PDE2A: variants seen among roughly 807,000 people sequenced by gnomAD.
PDE2A encodes the protein phosphodiesterase 2A.
In PDE2A, 53 loss-of-function variants were observed where a neutral mutation model predicts 133.6. The observed-to-expected ratio is 0.40, with a 90% CI of 0.32 to 0.50. PDE2A has a LOEUF of 0.50. Ranked by LOEUF, PDE2A falls within the 20% of genes least tolerant of loss-of-function variation. The pLI, the probability that PDE2A is intolerant of heterozygous loss-of-function variation, is 0.73. For missense variants in PDE2A, 796 were observed against 1,232.4 expected (o/e 0.65, Z 5.30); for synonymous variants, 491 against 490.2 (o/e 1.00, Z -0.02).
intron 2 of PDE2A, among the ~76,000 whole-genome samples, chr11:72,634,197 AC>A (rs1858564918): frequency 6.6e-6 from 1 of 152,086 alleles, no homozygotes. Context: ...CAGAGTCACG[AC>A]AGGAGGGCCC....
At chr11:72,580,184 C>T (rs1415759693) in intron 25 of PDE2A, among the ~76,000 whole-genome samples, 3 of 152,128 alleles carry the variant, frequency 2.0e-5, no homozygotes, top group Non-Finnish European at 4.4e-5. Context: ...AAATGTGTCT[C>T]CTACTCTGTG....
At chr11:72,589,299 A>C in intron 11 of PDE2A, 59 bp from the exon 12 acceptor site, 1 of 1,203,306 alleles carries the variant, frequency 8.3e-7, no homozygotes, top group Non-Finnish European at 1.2e-6. Context: ...GGGGATCTCA[A>C]CCTGTCCCCA....
intron 2 of PDE2A, among the ~76,000 whole-genome samples, chr11:72,630,356 C>T (rs1242493482): frequency 2.0e-5 from 3 of 152,068 alleles, no homozygotes; most frequent in Non-Finnish European, 4.4e-5. Flanking sequence ...CAGCAGAGCG[C>T]CCTGGCATCT....
chr11:72,599,113 G>T (rs1856619636), intron 4 of PDE2A: 1 of 807,210 alleles, frequency 1.2e-6, no homozygotes, highest in South Asian at 5.6e-5. Context: ...AGGTGGCACT[G>T]GTCCTTGCGT....
intron 13 of PDE2A, among the ~76,000 whole-genome samples, chr11:72,588,569 G>GGTATT (rs1356547731): frequency 1.3e-5 from 2 of 152,182 alleles, no homozygotes; most frequent in Non-Finnish European, 2.9e-5. Flanking sequence ...TACCCCAAGA[G>GGTATT]CAGATTACCC....
chr11:72,592,286 A>G (rs1394059796), intron 6 of PDE2A, among the ~76,000 whole-genome samples: 1 of 152,192 alleles, frequency 6.6e-6, no homozygotes. Context: ...CACCACCTGC[A>G]GAGCTCCCCA....
At chr11:72,584,521 C>T in intron 18 of PDE2A, 30 bp downstream of exon 18, 1 of 1,560,796 alleles carries the variant, frequency 6.4e-7, no homozygotes, top group South Asian at 1.2e-5. Context: ...GGCGCAGGCC[C>T]CGCCCCTCCG....
chr11:72,595,376 C>G (rs1263653164), intron 6 of PDE2A, among the ~76,000 whole-genome samples: 1 of 152,134 alleles, frequency 6.6e-6, no homozygotes, highest in Non-Finnish European at 1.5e-5. Flanking sequence ...GGAGGCGACC[C>G]CCTGAGAACT....
At chr11:72,623,918 C>A (rs899994851) in intron 2 of PDE2A, among the ~76,000 whole-genome samples, 2 of 152,100 alleles carry the variant, frequency 1.3e-5, no homozygotes, top group South Asian at 2.1e-4. Context: ...TCTGCCTCCC[C>A]CTAACTTATC....
At chr11:72,624,560 T>A (rs1188604973) in intron 2 of PDE2A, among the ~76,000 whole-genome samples, 1 of 152,180 alleles carries the variant, frequency 6.6e-6, no homozygotes, top group Non-Finnish European at 1.5e-5. Context: ...CAATTCAGTG[T>A]CAGACACTCG....
At chr11:72,656,187 G>A (rs1728723621) in intron 1 of PDE2A, among the ~76,000 whole-genome samples, 1 of 152,210 alleles carries the variant, frequency 6.6e-6, no homozygotes, top group African/African-American at 2.4e-5. Context: ...CAAGCTGAGG[G>A]CCAGACGCTA....
At chr11:72,579,642 G>A (rs756820338) in intron 25 of PDE2A, 34 bp from the exon 26 acceptor site, 31 of 1,452,374 alleles carry the variant, frequency 2.1e-5, no homozygotes, top group Non-Finnish European at 2.9e-5. Context: ...GCCCAGCTGG[G>A]GCAGATGGGC....
intron 4 of PDE2A, among the ~76,000 whole-genome samples, chr11:72,600,865 G>A (rs1443100170): frequency 6.6e-6 from 1 of 152,066 alleles, no homozygotes. Context: ...GTGGAGAGAG[G>A]AACAGGCGTG....
Position 72,584,413 on chromosome 11 carries a change from G to A in PDE2A, c.1538-100C>T, listed in dbSNP as rs561407767. On this transcript the variant is annotated intron_variant, in intron 18 of 30. Coordinates refer to ENST00000334456, the MANE Select transcript of PDE2A (RefSeq NM_002599.5). ...TGCCCTCGCAGTTTCCGCAGGTTAC[G>A]TACGTCCCAGGCATGGAACCCGACT... 1.1e-5 allele frequency: 14 copies of A among 1,253,834 alleles called. No homozygotes were observed. The South Asian group carries it at 1.3e-4, about 11-fold the overall frequency. 77.7% of individuals were successfully genotyped at this position (1,253,834 alleles called of 1,614,324 possible).
chr11:72,581,554 A>C, intron 22 of PDE2A, 75 bp from the exon 23 acceptor site: 8 of 1,473,532 alleles, frequency 5.4e-6, no homozygotes, highest in Non-Finnish European at 7.3e-6. Context: ...GGCAAACTAC[A>C]TGTCCCCTCC....
chr11:72,636,086 A>G, intron 2 of PDE2A: 1 of 1,248,824 alleles, frequency 8.0e-7, no homozygotes, highest in Non-Finnish European at 1.0e-6. Context: ...AGGGTGGGAG[A>G]CAGGAAAGGC....
intron 6 of PDE2A, among the ~76,000 whole-genome samples, chr11:72,595,605 C>T (rs956451182): frequency 6.6e-6 from 1 of 152,104 alleles, no homozygotes; most frequent in South Asian, 2.1e-4. Context: ...GCCTGGGAAG[C>T]GTTTAATTCC....
chr11:72,636,592 C>T (rs1259371939), intron 2 of PDE2A, among the ~76,000 whole-genome samples: 1 of 152,102 alleles, frequency 6.6e-6, no homozygotes, highest in East Asian at 1.9e-4. Context: ...TGCCACTAAC[C>T]CCTGTCTTCC....
At chr11:72,662,706 G>A (rs1053637055) in intron 1 of PDE2A, among the ~76,000 whole-genome samples, 3 of 152,138 alleles carry the variant, frequency 2.0e-5, no homozygotes, top group Non-Finnish European at 2.9e-5. Flanking sequence ...CAGGTGAGCC[G>A]GGAAGTAGCG....
Sources: allele counts gnomAD v4.1 joint callset (sites outside exome capture counted in the v4.1 genomes callset), GRCh38; gene constraint gnomAD v4.1.1; transcripts MANE v1.5; gene names NCBI Gene and HGNC (gene_info 2026-07-23, HGNC 2026-07-21).